The following ADAMTSL1 variants were observed in gnomAD, a reference collection of about 807,000 sequenced individuals.
The protein encoded by ADAMTSL1 is ADAMTS like 1.
ADAMTSL1 carries 126 observed loss-of-function variants against 201.8 expected under a neutral mutation model. That is an observed-to-expected ratio of 0.62 (90% CI 0.54 to 0.72). The LOEUF is 0.72. ADAMTSL1 is among the 30% of genes least tolerant of loss of function. ADAMTSL1 has a pLI of 0.00. For synonymous variants in ADAMTSL1, 1,121 were observed against 903.4 expected (o/e 1.24, Z -4.32); for missense variants, 2,679 against 2,277.8 (o/e 1.18, Z -3.59).
At chr9:17,916,526 G>T (rs911477024) in intron 1 of ADAMTSL1, among the ~76,000 whole-genome samples, 1 of 151,970 alleles carries the variant, frequency 6.6e-6, no homozygotes, top group Non-Finnish European at 1.5e-5. Context: ...TCGTTTTTTG[G>T]CCTATGGATG....
At chr9:17,919,943 G>T (rs1293348231) in intron 1 of ADAMTSL1, among the ~76,000 whole-genome samples, 3 of 152,100 alleles carry the variant, frequency 2.0e-5, no homozygotes, top group African/African-American at 7.2e-5. Context: ...CATCAGCAGT[G>T]TATGAAGGTC....
intron 2 of ADAMTSL1, among the ~76,000 whole-genome samples, chr9:18,300,166 G>A (rs1833646956): frequency 6.6e-6 from 1 of 152,198 alleles, no homozygotes; most frequent in Non-Finnish European, 1.5e-5. Flanking sequence ...GCACATGTAT[G>A]TTTATTGCAG....
chr9:18,067,649 G>A (rs1014312719), intron 1 of ADAMTSL1, among the ~76,000 whole-genome samples: 4 of 152,190 alleles, frequency 2.6e-5, no homozygotes, highest in African/African-American at 4.8e-5. Context: ...GGATGGAGGG[G>A]CGGTGAAATA....
At chr9:18,507,132 A>G (rs1192219656) in intron 2 of ADAMTSL1, among the ~76,000 whole-genome samples, 3 of 152,220 alleles carry the variant, frequency 2.0e-5, no homozygotes, top group Non-Finnish European at 4.4e-5. Flanking sequence ...ATCATTCTTC[A>G]ATAGGATTTG....
At chr9:18,776,459 G>A (rs1820998897) in intron 18 of ADAMTSL1, among the ~76,000 whole-genome samples, 1 of 152,118 alleles carries the variant, frequency 6.6e-6, no homozygotes, top group Admixed American at 6.5e-5. Flanking sequence ...CTAGAACTCT[G>A]CATCTCAGCT....
chr9:18,730,694 A>G (rs528650340), intron 15 of ADAMTSL1, among the ~76,000 whole-genome samples: 7 of 152,244 alleles, frequency 4.6e-5, no homozygotes, highest in African/African-American at 7.2e-5. Flanking sequence ...CACAGCTCCC[A>G]GACCTGTAGA....
chr9:18,715,072 T>A (rs1332526034), intron 14 of ADAMTSL1, among the ~76,000 whole-genome samples: 1 of 79,022 alleles, frequency 1.3e-5, no homozygotes, highest in African/African-American at 3.6e-5. Flanking sequence ...AAATTAGGTA[T>A]TGATTGGACG....
chr9:17,941,690 G>A lies in ADAMTSL1; in HGVS notation c.87+34768G>A, dbSNP rs143598520. Among the ~76,000 whole-genome samples the A allele has an allele frequency of 5.8e-4, 88 of 152,240 alleles. 1 individual carries two copies. Among genetic ancestry groups the A allele is most frequent in the African/African-American group, 1.9e-3 (81 of 41,550 alleles). On this transcript the variant is annotated intron_variant, in intron 1 of 29. Transcript: ENST00000680146. ...AGTGTAGTCATATGTATGTGTAAGT[G>A]TGTGGGTTTATTTAAAAATAGACTG...
At chr9:18,537,092 A>T (rs1360308086) in intron 3 of ADAMTSL1, among the ~76,000 whole-genome samples, 2 of 152,210 alleles carry the variant, frequency 1.3e-5, no homozygotes, top group African/African-American at 4.8e-5. Context: ...TTTTAAGACA[A>T]CAATATGTAT....
intron 2 of ADAMTSL1, among the ~76,000 whole-genome samples, chr9:18,264,667 A>C (rs1490199838): frequency 6.6e-6 from 1 of 152,334 alleles, no homozygotes; most frequent in African/African-American, 2.4e-5. Flanking sequence ...TCCACTTCCA[A>C]TTTAAGGACT....
At chr9:18,162,512 A>G (rs1827438701) in intron 1 of ADAMTSL1, among the ~76,000 whole-genome samples, 1 of 151,996 alleles carries the variant, frequency 6.6e-6, no homozygotes, top group Admixed American at 6.6e-5. Context: ...ACTATTCTGT[A>G]TAACAACAGA....
intron 2 of ADAMTSL1, among the ~76,000 whole-genome samples, chr9:18,202,187 A>G (rs1397602492): frequency 1.3e-5 from 2 of 152,290 alleles, no homozygotes; most frequent in African/African-American, 2.4e-5. Flanking sequence ...TCGTTAGTGT[A>G]AAGTCAGAAA....
chr9:18,572,758 A>G (rs1822417760), intron 3 of ADAMTSL1, among the ~76,000 whole-genome samples: 1 of 152,188 alleles, frequency 6.6e-6, no homozygotes, highest in African/African-American at 2.4e-5. Context: ...ATTTAAAGGT[A>G]AAGAGATTTT....
intron 1 of ADAMTSL1, among the ~76,000 whole-genome samples, chr9:18,005,374 G>T (rs1276790592): frequency 6.6e-6 from 1 of 152,026 alleles, no homozygotes; most frequent in South Asian, 2.1e-4. Flanking sequence ...CACCTACTGT[G>T]ATCTTTAAAT....
At chr9:18,294,572 C>A (rs1833399085) in intron 2 of ADAMTSL1, among the ~76,000 whole-genome samples, 2 of 152,094 alleles carry the variant, frequency 1.3e-5, no homozygotes, top group African/African-American at 4.8e-5. Context: ...GCTGGCACTG[C>A]CTGGTGGTGA....
intron 25 of ADAMTSL1, among the ~76,000 whole-genome samples, chr9:18,891,209 C>G (rs1403779975): frequency 6.6e-6 from 1 of 150,604 alleles, no homozygotes; most frequent in African/African-American, 2.4e-5. Flanking sequence ...TCACCTTTGA[C>G]CCGTTTGCCT....
At chr9:18,759,629 T>C (rs980705449) in intron 16 of ADAMTSL1, among the ~76,000 whole-genome samples, 1 of 152,232 alleles carries the variant, frequency 6.6e-6, no homozygotes, top group Non-Finnish European at 1.5e-5. Context: ...GAGGCAGCAA[T>C]AAACATAGCA....
chr9:18,732,328 A>G (rs1453891935), intron 15 of ADAMTSL1, among the ~76,000 whole-genome samples: 3 of 152,226 alleles, frequency 2.0e-5, no homozygotes, highest in Non-Finnish European at 4.4e-5. Context: ...TCTCTTAGGC[A>G]GTTAGACAAC....
chr9:18,079,340 C>G (rs906352328), intron 1 of ADAMTSL1, among the ~76,000 whole-genome samples: 1 of 152,144 alleles, frequency 6.6e-6, no homozygotes, highest in Admixed American at 6.5e-5. Context: ...TACCTCAAGT[C>G]GAAAGTTTCC....
Sources: allele counts gnomAD v4.1 joint callset (sites outside exome capture counted in the v4.1 genomes callset), GRCh38; gene constraint gnomAD v4.1.1; transcripts MANE v1.5; gene names NCBI Gene and HGNC (gene_info 2026-07-23, HGNC 2026-07-21).